PCDH7: variants seen among roughly 807,000 people sequenced by gnomAD.
The protein encoded by PCDH7 is protocadherin 7.
A neutral mutation model predicts 58.9 loss-of-function variants in PCDH7; 17 were observed. The observed-to-expected ratio is 0.29, with a 90% confidence interval of 0.20 to 0.43. The LOEUF (loss-of-function observed/expected upper bound fraction) is 0.43, where lower values mean the gene tolerates loss of function less well. Ranked by LOEUF, PCDH7 falls within the 20% of genes least tolerant of loss-of-function variation. PCDH7 has a pLI of 1.00. For synonymous variants in PCDH7, 664 were observed against 616.4 expected (o/e 1.08, Z -1.14); for missense variants, 1,274 against 1,441.0 (o/e 0.88, Z 1.88).
rs1417597671 is a variant in PCDH7 at position 30,750,548 on chromosome 4, G to C, written c.70+25952G>C. Among the ~76,000 whole-genome samples, 8 of 152,176 alleles carry C rather than the reference G, an allele frequency of 5.3e-5. No homozygotes were observed. In the East Asian group the frequency reaches 1.5e-3, roughly 29 times the overall value. ...CTGTGGCGAGGTTCATCTATACGCAGAGGGAAAAGTTAACCCTGGGTGCAA... is the reference window on the plus strand; with the variant it reads ...CTGTGGCGAGGTTCATCTATACGCACAGGGAAAAGTTAACCCTGGGTGCAA... On this transcript the variant is annotated intron_variant, in intron 1 of 3. Transcript: ENST00000509759.
At chr4:30,986,710 C>T (rs1018736360) in intron 3 of PCDH7, among the ~76,000 whole-genome samples, 36 of 151,854 alleles carry the variant, frequency 2.4e-4, no homozygotes, top group African/African-American at 8.5e-4. Context: ...TGGCCGGTCG[C>T]GGTGGCTCAT....
At chr4:30,751,047 G>A (rs577719495) in intron 1 of PCDH7, among the ~76,000 whole-genome samples, 1 of 152,166 alleles carries the variant, frequency 6.6e-6, no homozygotes, top group Non-Finnish European at 1.5e-5. Context: ...GCCATAAAAT[G>A]AGTTAGGTTT....
chr4:31,095,495 T>C (rs894979377), intron 3 of PCDH7, among the ~76,000 whole-genome samples: 5 of 152,198 alleles, frequency 3.3e-5, no homozygotes, highest in African/African-American at 1.2e-4. Context: ...TCTTTCAAAA[T>C]AACTTCTGTT....
At chr4:30,889,308 C>A (rs1738290388) in intron 1 of PCDH7, among the ~76,000 whole-genome samples, 1 of 151,538 alleles carries the variant, frequency 6.6e-6, no homozygotes, top group Non-Finnish European at 1.5e-5. Flanking sequence ...TATATAATGG[C>A]AATATATTCT....
intron 1 of PCDH7, among the ~76,000 whole-genome samples, chr4:30,918,365 A>G (rs951969754): frequency 6.6e-6 from 1 of 152,126 alleles, no homozygotes; most frequent in African/African-American, 2.4e-5. Flanking sequence ...GGGAGAAAAG[A>G]AAATATGCAC....
chr4:30,875,213 T>C (rs1331677505), intron 1 of PCDH7, among the ~76,000 whole-genome samples: 2 of 152,102 alleles, frequency 1.3e-5, no homozygotes, highest in East Asian at 1.9e-4. Flanking sequence ...CTTGGTTTGT[T>C]TGGCCATCGT....
chr4:31,090,871 G>C (rs1161572613), intron 3 of PCDH7, among the ~76,000 whole-genome samples: 6 of 151,942 alleles, frequency 3.9e-5, no homozygotes, highest in Non-Finnish European at 5.9e-5. Flanking sequence ...CCTATGAAAA[G>C]TGTTATTTAG....
intron 3 of PCDH7, among the ~76,000 whole-genome samples, chr4:30,960,169 G>A (rs1014630597): frequency 2.0e-5 from 3 of 149,150 alleles, no homozygotes; most frequent in Non-Finnish European, 4.5e-5. Flanking sequence ...GAGGGAGGGA[G>A]GGAGGAAGAA....
intron 3 of PCDH7, among the ~76,000 whole-genome samples, chr4:31,102,893 T>G (rs753985834): frequency 1.3e-5 from 2 of 152,198 alleles, no homozygotes; most frequent in Non-Finnish European, 2.9e-5. Context: ...TGAATCACAT[T>G]CAGTAATACA....
chr4:30,736,562 G>T (rs1339185414), downstream of PCDH7, among the ~76,000 whole-genome samples: 4 of 146,162 alleles, frequency 2.7e-5, no homozygotes, highest in East Asian at 8.0e-4. Context: ...TTGAGACGGG[G>T]TCTCGCTCTG....
chr4:30,820,879 G>C (rs183310185), intron 1 of PCDH7, among the ~76,000 whole-genome samples: 4 of 152,122 alleles, frequency 2.6e-5, no homozygotes, highest in African/African-American at 9.6e-5. Context: ...TTGAGGGGTT[G>C]TTATTGCATT....
chr4:31,056,515 AAG>A (rs1204058724), intron 3 of PCDH7, among the ~76,000 whole-genome samples: 4 of 95,786 alleles, frequency 4.2e-5, no homozygotes, highest in Non-Finnish European at 6.5e-5. Flanking sequence ...GAAAGAAAGA[AAG>A]GGGAAGGGAA....
At chr4:31,071,141 AG>A (rs1304143791) in intron 3 of PCDH7, among the ~76,000 whole-genome samples, 1 of 152,046 alleles carries the variant, frequency 6.6e-6, no homozygotes, top group Non-Finnish European at 1.5e-5. Flanking sequence ...GGTAATTCAA[AG>A]CTCATTCACA....
intron 1 of PCDH7, among the ~76,000 whole-genome samples, chr4:30,823,614 C>T (rs1430529813): frequency 6.6e-6 from 1 of 152,012 alleles, no homozygotes; most frequent in Non-Finnish European, 1.5e-5. Context: ...TAGCGAGAAC[C>T]ATTTGAAGAA....
chr4:30,757,852 A>G (rs986106078), intron 1 of PCDH7, among the ~76,000 whole-genome samples: 1 of 152,228 alleles, frequency 6.6e-6, no homozygotes, highest in Non-Finnish European at 1.5e-5. Flanking sequence ...TTGTAGAATG[A>G]TTGGAGTGAT....
intron 2 of PCDH7, among the ~76,000 whole-genome samples, chr4:30,929,986 G>C (rs942046508): frequency 6.6e-6 from 1 of 152,160 alleles, no homozygotes; most frequent in South Asian, 2.1e-4. Context: ...ACCATTTGTT[G>C]AGTATTTATT....
At chr4:30,897,776 GA>G (rs1739641320) in intron 1 of PCDH7, among the ~76,000 whole-genome samples, 1 of 152,200 alleles carries the variant, frequency 6.6e-6, no homozygotes, top group Non-Finnish European at 1.5e-5. Flanking sequence ...GTAAACCAAT[GA>G]AATAGGTTGT....
chr4:30,826,168 A>G (rs1213160890), intron 1 of PCDH7, among the ~76,000 whole-genome samples: 3 of 152,152 alleles, frequency 2.0e-5, no homozygotes, highest in Admixed American at 6.5e-5. Flanking sequence ...CATTAAAGCC[A>G]TGGCAACACT....
exon 1 of PCDH7, chr4:30,724,304 G>A: frequency 6.2e-7 from 1 of 1,613,944 alleles, no homozygotes; most frequent in South Asian, 1.1e-5. Flanking sequence ...AAGCCAAATG[G>A]ACAGAGGTAT....
Sources: gnomAD v4.1 joint callset for allele counts (sites outside exome capture counted in the v4.1 genomes callset) on GRCh38, gnomAD v4.1.1 for gene constraint, MANE v1.5 for transcripts, NCBI Gene and HGNC (gene_info 2026-07-23, HGNC 2026-07-21) for gene names.